Variants in NRL observed in about 807,000 individuals in gnomAD.
NRL encodes the protein neural retina-specific leucine zipper protein.
Under a neutral mutation model 12.5 loss-of-function variants are expected in NRL, and 16 were observed. That is an observed-to-expected ratio of 1.28 (90% CI 0.87 to 1.95). The LOEUF (loss-of-function observed/expected upper bound fraction) is 1.95. NRL is among the 30% of genes most tolerant of loss of function. NRL has a pLI of 0.00. For synonymous variants in NRL, 142 were observed against 150.9 expected (o/e 0.94, Z 0.43); for missense variants, 314 against 325.8 (o/e 0.96, Z 0.28).
intron 1 of NRL, chr14:24,103,007 C>T: frequency 7.6e-7 from 1 of 1,307,676 alleles, no homozygotes. Flanking sequence ...CAGAGTTCTC[C>T]CCTGGTGAAT....
chr14:24,099,066 T>C, intron 1 of NRL: 1 of 1,603,522 alleles, frequency 6.2e-7, no homozygotes, highest in South Asian at 1.1e-5. Context: ...AGTGAGCCAG[T>C]GGCCGTGCAA....
At chr14:24,083,198 G>A (rs776489382) in intron 1 of NRL, among the ~76,000 whole-genome samples, 5 of 152,222 alleles carry the variant, frequency 3.3e-5, no homozygotes, top group Non-Finnish European at 5.9e-5. Context: ...GAGACATGCC[G>A]AGAGGTCTGT....
chr14:24,099,073 G>A, intron 1 of NRL: 1 of 1,606,032 alleles, frequency 6.2e-7, no homozygotes. Flanking sequence ...CAGTGGCCGT[G>A]CAACCCAGAG....
At chr14:24,104,579 C>T (rs1487568426) in intron 1 of NRL, among the ~76,000 whole-genome samples, 2 of 147,088 alleles carry the variant, frequency 1.4e-5, no homozygotes, top group African/African-American at 5.1e-5. Context: ...GCAGAGGTTG[C>T]AGTAAACCAA....
intron 1 of NRL, chr14:24,099,451 T>G (rs2138956515): frequency 8.8e-7 from 1 of 1,136,894 alleles, no homozygotes; most frequent in East Asian, 2.4e-5. Flanking sequence ...CTTATATAGT[T>G]AATAAACATT....
chr14:24,094,327 C>G lies in NRL; in HGVS notation c.-27-11452G>C. 1 of 1,400,292 alleles carries G rather than the reference C, an allele frequency of 7.1e-7. No individual in the cohort carries two copies. The highest frequency in any genetic ancestry group is 9.7e-7 in the Non-Finnish European group (1 of 1,027,436). 86.7% of individuals were successfully genotyped at this position (1,400,292 alleles called of 1,614,324 possible). A position where few individuals can be genotyped will look rare whatever the true frequency, so the allele number is the denominator to read the frequency against. On this transcript the variant is annotated intron_variant, in intron 1 of 2. Coordinates refer to ENST00000561028, the MANE Select transcript of NRL (RefSeq NM_001354768.3). The surrounding 1 kb of genome is among the most constrained non-coding windows in gnomAD (Gnocchi z 4.1). ...GCCTCTGCTGTGGCTCGCTTCGCCG[C>G]GCTCCCTCCTTCCCCGCCTTCCATA...
At position 24,081,672 on chromosome 14, in the gene NRL, G is replaced by C. The variant is rs572021011; in HGVS notation, c.382-104C>G. On this transcript the variant is annotated intron_variant, in intron 2 of 2. Coordinates refer to ENST00000561028, the MANE Select transcript of NRL (RefSeq NM_001354768.3). The surrounding 1 kb of genome is among the most constrained non-coding windows in gnomAD (Gnocchi z 4.4). ...TCCGCCCCGGGACAGCCCCGCCCCGGCTCCCACCTTCACCGGAAGGCTCGC... is the reference window on the plus strand; with the variant it reads ...TCCGCCCCGGGACAGCCCCGCCCCGCCTCCCACCTTCACCGGAAGGCTCGC... 1 of 1,528,918 alleles carries C rather than the reference G, an allele frequency of 6.5e-7. No homozygotes were observed. The highest frequency in any genetic ancestry group is 1.4e-5 in the African/African-American group (1 of 72,588). 94.7% of individuals were successfully genotyped at this position (1,528,918 alleles called of 1,614,324 possible). A position where few individuals can be genotyped will look rare whatever the true frequency, so the allele number is the denominator to read the frequency against.
rs2036730367 is a variant in NRL, at chr14:24,094,057, G to C, written c.-27-11182C>G. 1.9e-6 allele frequency: 1 copy of C among 538,158 alleles called. No homozygotes were observed. Among genetic ancestry groups the C allele is most frequent in the African/African-American group, 2.0e-5 (1 of 49,450 alleles). 33.3% of individuals were successfully genotyped at this position (538,158 alleles called of 1,614,324 possible). ...AAAGTTACATCATGTGCGGCTGGGA[G>C]GGCGGTGGCGGATGGGGGGCGGGGC... On this transcript the variant is annotated intron_variant, in intron 1 of 2. Transcript: ENST00000561028. This position sits in a 1 kb window ranked among gnomAD's most constrained non-coding sequence, Gnocchi z 4.1.
At position 24,085,307 on chromosome 14, in the gene NRL, T is replaced by C. The variant is rs563680830; in HGVS notation, c.-27-2432A>G. 4.6e-5 allele frequency among the ~76,000 whole-genome samples: 7 copies of C among 152,290 alleles called. No individual in the cohort carries two copies. In the South Asian group the frequency reaches 1.2e-3, roughly 27 times the overall value. On this transcript the variant is annotated intron_variant, in intron 1 of 2. Transcript: ENST00000561028. The surrounding 1 kb of genome is among the most constrained non-coding windows in gnomAD (Gnocchi z 4.1). ...CCTTCCTTCTGGGCCTCAAGGGACATTGAAATCTAATCACCACCAGTCCGT... is the reference window on the plus strand; with the variant it reads ...CCTTCCTTCTGGGCCTCAAGGGACACTGAAATCTAATCACCACCAGTCCGT...
chr14:24,114,830 A>C lies in NRL; in HGVS notation c.-136T>G. The C allele has an allele frequency of 1.0e-6, 1 of 985,958 alleles. No individual in the cohort carries two copies. The highest frequency in any genetic ancestry group is 1.2e-6 in the Non-Finnish European group (1 of 829,960). 61.1% of individuals were successfully genotyped at this position (985,958 alleles called of 1,614,324 possible). On this transcript the variant is annotated 5_prime_UTR_variant, in exon 1 of 3. Transcript: ENST00000561028. Reference sequence around the variant, plus strand: ...AAGCCGCGAGATGCGTGACGAGCGAAGCGCGTGACGGAGGAGCGGTTGGCC... The same window carrying C: ...AAGCCGCGAGATGCGTGACGAGCGACGCGCGTGACGGAGGAGCGGTTGGCC...
At chr14:24,101,481 C>T (rs188665824) in intron 1 of NRL, among the ~76,000 whole-genome samples, 69 of 152,328 alleles carry the variant, frequency 4.5e-4, no homozygotes, top group African/African-American at 1.6e-3. Context: ...TCCCAACCCC[C>T]CTCCAGGACA....
intron 1 of NRL, among the ~76,000 whole-genome samples, chr14:24,101,124 C>G (rs1013296388): frequency 1.3e-5 from 2 of 152,176 alleles, no homozygotes; most frequent in Non-Finnish European, 2.9e-5. Context: ...ATTAAGCCCC[C>G]CTCAGCCTTC....
rs1234927107 is a variant in NRL, at chr14:24,099,134, C to T, written c.-28+15588G>A. The T allele has an allele frequency of 3.1e-6, 5 of 1,611,960 alleles. No individual in the cohort carries two copies. The Admixed American group carries it at 8.3e-5, about 27-fold the overall frequency. On this transcript the variant is annotated intron_variant, in intron 1 of 2. Coordinates refer to ENST00000561028, the MANE Select transcript of NRL (RefSeq NM_001354768.3). ...ACCAGCGGGAGATCATCTCCTTCGGCAGCGGCTATGGTGGCAACTCCCTGC... is the reference window on the plus strand; with the variant it reads ...ACCAGCGGGAGATCATCTCCTTCGGTAGCGGCTATGGTGGCAACTCCCTGC...
intron 1 of NRL, among the ~76,000 whole-genome samples, chr14:24,090,275 G>C (rs1171807876): frequency 3.9e-5 from 5 of 126,884 alleles, no homozygotes; most frequent in Admixed American, 7.7e-5. Context: ...CGGGGGGGGG[G>C]GGGGGGCACG....
intron 1 of NRL, chr14:24,098,305 G>T: frequency 6.2e-7 from 1 of 1,614,098 alleles, no homozygotes; most frequent in African/African-American, 1.3e-5. Context: ...CGCCTGGTGG[G>T]GCCCGTGGGC....
In NRL at chr14:24,094,821, A is replaced by T. The variant is rs1259980811; in HGVS notation, c.-27-11946T>A. ...AGCCAGCGCCCCAGGGTACTTCGAG[A>T]GGCAGCAGGGCCCTGGGGACAAGGG... On this transcript the variant is annotated intron_variant, in intron 1 of 2. Transcript: ENST00000561028. The surrounding 1 kb of genome is among the most constrained non-coding windows in gnomAD (Gnocchi z 4.1). The T allele has an allele frequency of 1.5e-6, 2 of 1,329,152 alleles. No individual in the cohort carries two copies. The highest frequency in any genetic ancestry group is 4.5e-5 in the Admixed American group (2 of 44,616). 82.3% of individuals were successfully genotyped at this position (1,329,152 alleles called of 1,614,324 possible).
In NRL at chr14:24,094,321, T is replaced by G; in HGVS notation, c.-27-11446A>C. 1 of 1,370,838 alleles carries G rather than the reference T, an allele frequency of 7.3e-7. No individual in the cohort carries two copies. The highest frequency in any genetic ancestry group is 1.2e-5 in the South Asian group (1 of 80,426). The allele number at this position is 1,370,838 out of a possible 1,614,324, so 84.9% of individuals were successfully genotyped here. ...CCGCCAGCCTCTGCTGTGGCTCGCT[T>G]CGCCGCGCTCCCTCCTTCCCCGCCT... On this transcript the variant is annotated intron_variant, in intron 1 of 2. Transcript: ENST00000561028. This position sits in a 1 kb window ranked among gnomAD's most constrained non-coding sequence, Gnocchi z 4.1.
chr14:24,098,314 G>A, intron 1 of NRL: 2 of 1,614,134 alleles, frequency 1.2e-6, no homozygotes, highest in Non-Finnish European at 1.7e-6. Flanking sequence ...GGGCCCGTGG[G>A]CAGCTGGGCA....
intron 1 of NRL, among the ~76,000 whole-genome samples, chr14:24,086,816 G>C (rs2036478266): frequency 6.6e-6 from 1 of 152,240 alleles, no homozygotes; most frequent in Non-Finnish European, 1.5e-5. Flanking sequence ...GCTCAGGCGA[G>C]TTGAGCTGCT....
Sources: gnomAD v4.1 joint callset for allele counts (sites outside exome capture counted in the v4.1 genomes callset) on GRCh38, gnomAD v4.1.1 for gene constraint, Gnocchi (gnomAD v3.1) non-coding constraint, MANE v1.5 for transcripts, NCBI Gene and HGNC (gene_info 2026-07-23, HGNC 2026-07-21) for gene names.